RAB3C: variants seen among roughly 807,000 people sequenced by gnomAD.
The protein encoded by RAB3C is ras-related protein Rab-3C.
In RAB3C, 17 loss-of-function variants were observed where a neutral mutation model predicts 26.4. That is an observed-to-expected ratio of 0.64 (90% CI 0.44 to 0.97). The LOEUF is 0.97. Ranked by LOEUF, RAB3C falls within the 50% of genes least tolerant of loss-of-function variation. RAB3C has a pLI of 0.00. For missense variants in RAB3C, 242 were observed against 281.9 expected, an observed-to-expected ratio of 0.86 and a Z score of 1.01; for synonymous variants, 91 against 95.9, an observed-to-expected ratio of 0.95 and a Z score of 0.30.
In RAB3C at chr5:58,844,505, C is replaced by A. The variant is rs774978325; in HGVS notation, c.497-6659C>A. Among the ~76,000 whole-genome samples, 64 of 152,290 alleles carry A rather than the reference C, an allele frequency of 4.2e-4. 1 individual carries two copies. Among genetic ancestry groups the A allele is most frequent in the Non-Finnish European group, 5.4e-4 (37 of 68,028 alleles). On this transcript the variant is annotated intron_variant, in intron 4 of 4. Transcript: ENST00000282878. ...TCTCTTCCTAAAGCCTGTCTCTGGG[C>A]TGGGGCCCAGTAGAGGACGAGCTAA... is the stretch of plus-strand genomic sequence containing the variant.
In RAB3C at chr5:58,856,256, T is replaced by C. The variant is rs1353216125; in HGVS notation, c.*4905T>C. ...TAGTCTGTGCATGTAATTAATTTCC[T>C]CCAAACAGAGAGAGTGGAGGGGAAA... On this transcript the variant is annotated 3_prime_UTR_variant, in exon 5 of 5. Coordinates refer to ENST00000282878, the MANE Select transcript of RAB3C (RefSeq NM_138453.4). 3 of 151,732 alleles carry C rather than the reference T, an allele frequency of 2.0e-5. No homozygotes were observed. Among genetic ancestry groups the C allele is most frequent in the African/African-American group, 7.3e-5 (3 of 41,248 alleles). The allele number at this position is 151,732 out of a possible 1,614,324, so 9.4% of individuals were successfully genotyped here.
At chr5:58,757,426 G>A (rs1387146220) in intron 3 of RAB3C, among the ~76,000 whole-genome samples, 4 of 151,632 alleles carry the variant, frequency 2.6e-5, no homozygotes, top group Non-Finnish European at 4.4e-5. Context: ...TTGACATTTT[G>A]GAAGAATGGA....
chr5:58,813,280 T>C (rs1743127337), intron 3 of RAB3C, among the ~76,000 whole-genome samples: 1 of 152,174 alleles, frequency 6.6e-6, no homozygotes. Context: ...TTTATGATTA[T>C]TGCACCACAC....
chr5:58,603,714 A>G (rs1476742434), intron 1 of RAB3C, among the ~76,000 whole-genome samples: 1 of 152,032 alleles, frequency 6.6e-6, no homozygotes, highest in Non-Finnish European at 1.5e-5. Flanking sequence ...CACTTCTTGT[A>G]TCATTTTTTG....
chr5:58,758,569 C>T (rs959665249), intron 3 of RAB3C, among the ~76,000 whole-genome samples: 6 of 152,088 alleles, frequency 3.9e-5, no homozygotes, highest in Admixed American at 6.6e-5. Flanking sequence ...TGTTGAGAAC[C>T]GTTCTGGAAA....
chr5:58,731,777 T>C (rs534374234), intron 3 of RAB3C, among the ~76,000 whole-genome samples: 72 of 152,328 alleles, frequency 4.7e-4, no homozygotes, highest in African/African-American at 1.7e-3. Context: ...TGGTCCAATG[T>C]TCACTTCTGG....
At chr5:58,649,498 A>C (rs1747597323) in intron 2 of RAB3C, among the ~76,000 whole-genome samples, 1 of 151,490 alleles carries the variant, frequency 6.6e-6, no homozygotes, top group Admixed American at 6.6e-5. Flanking sequence ...ACTTCTCTCA[A>C]ACCCTCACTT....
intron 2 of RAB3C, among the ~76,000 whole-genome samples, chr5:58,700,556 G>C (rs1455304533): frequency 6.6e-6 from 1 of 152,110 alleles, no homozygotes; most frequent in Non-Finnish European, 1.5e-5. Flanking sequence ...AGAGCCCTAA[G>C]GTGTTTATCT....
chr5:58,714,413 C>T (rs1397929348), intron 2 of RAB3C, among the ~76,000 whole-genome samples: 2 of 152,032 alleles, frequency 1.3e-5, no homozygotes, highest in Non-Finnish European at 2.9e-5. Flanking sequence ...TATATTTGGA[C>T]ATACAAAAGA....
intron 3 of RAB3C, among the ~76,000 whole-genome samples, chr5:58,749,971 TGAG>T: frequency 6.6e-6 from 1 of 152,206 alleles, no homozygotes; most frequent in East Asian, 1.9e-4. Flanking sequence ...ATTTAGAGCA[TGAG>T]ATGTCATTCA....
chr5:58,704,996 T>G (rs1429262327), intron 2 of RAB3C, among the ~76,000 whole-genome samples: 14 of 152,128 alleles, frequency 9.2e-5, no homozygotes, highest in Non-Finnish European at 1.5e-5. Flanking sequence ...TCAAAGTGAG[T>G]GATAATGCAA....
chr5:58,634,290 T>C (rs1747244737), intron 2 of RAB3C, among the ~76,000 whole-genome samples: 1 of 152,196 alleles, frequency 6.6e-6, no homozygotes, highest in Non-Finnish European at 1.5e-5. Flanking sequence ...AAAGAAATAT[T>C]ATACAGGGAA....
intron 1 of RAB3C, among the ~76,000 whole-genome samples, chr5:58,594,361 G>C (rs1219440273): frequency 6.6e-6 from 1 of 152,074 alleles, no homozygotes; most frequent in Non-Finnish European, 1.5e-5. Flanking sequence ...CTGAGTGGCA[G>C]GACTGATGAA....
At chr5:58,762,686 C>T (rs548052571) in intron 3 of RAB3C, among the ~76,000 whole-genome samples, 28 of 152,192 alleles carry the variant, frequency 1.8e-4, no homozygotes, top group African/African-American at 6.0e-4. Flanking sequence ...AGTGAAACTC[C>T]GTCTCAAAAA....
chr5:58,811,879 G>GC (rs916175608), intron 3 of RAB3C, among the ~76,000 whole-genome samples: 3 of 150,692 alleles, frequency 2.0e-5, no homozygotes, highest in South Asian at 4.2e-4. Flanking sequence ...CCTTCTGAAA[G>GC]CCCCCCAGCT....
Position 58,603,998 on chromosome 5 carries a change from T to C in RAB3C, c.25-13645T>C, listed in dbSNP as rs150391769. 8.0e-3 allele frequency among the ~76,000 whole-genome samples: 1,210 copies of C among 151,222 alleles called. 14 individuals carry two copies. The highest frequency in any genetic ancestry group is 0.028 in the African/African-American group (1,154 of 41,262). On this transcript the variant is annotated intron_variant, in intron 1 of 4. Transcript: ENST00000282878. ...CAGATTTCTTTTTTGTCCCACAAGG[T>C]ATTCTCTTCATGTAGTACTCTCCCC...
intron 4 of RAB3C, among the ~76,000 whole-genome samples, chr5:58,828,789 C>T (rs547293667): frequency 2.5e-4 from 38 of 152,072 alleles, no homozygotes; most frequent in Non-Finnish European, 4.7e-4. Context: ...GACTTTTATA[C>T]GACTAAATTT....
intron 2 of RAB3C, among the ~76,000 whole-genome samples, chr5:58,722,911 C>T (rs977996632): frequency 1.1e-4 from 17 of 151,784 alleles, no homozygotes; most frequent in Admixed American, 2.6e-4. Flanking sequence ...AAATAGTGGC[C>T]AAGTAATTTC....
chr5:58,649,107 A>G (rs1356924598), intron 2 of RAB3C, among the ~76,000 whole-genome samples: 1 of 152,114 alleles, frequency 6.6e-6, no homozygotes, highest in Admixed American at 6.6e-5. Context: ...TTCCCAGTAA[A>G]CATCTTAGTT....
Sources: gnomAD v4.1 joint callset for allele counts (sites outside exome capture counted in the v4.1 genomes callset) on GRCh38, gnomAD v4.1.1 for gene constraint, MANE v1.5 for transcripts, NCBI Gene and HGNC (gene_info 2026-07-23, HGNC 2026-07-21) for gene names.